Variants in RAP1GAP2 observed in about 807,000 individuals in gnomAD.
RAP1GAP2 encodes the protein RAP1 GTPase activating protein 2.
A neutral mutation model predicts 95.0 loss-of-function variants in RAP1GAP2; 27 were observed. The observed-to-expected ratio is 0.28, with a 90% CI of 0.21 to 0.39. The LOEUF is 0.39. Ranked by LOEUF, RAP1GAP2 falls within the 10% of genes least tolerant of loss-of-function variation. RAP1GAP2 has a pLI of 1.00. For missense variants in RAP1GAP2, 771 were observed against 970.0 expected (o/e 0.79, Z 2.72); for synonymous variants, 373 against 380.9 (o/e 0.98, Z 0.24).
At chr17:2,782,162 G>C (rs2068677138) in intron 1 of RAP1GAP2, among the ~76,000 whole-genome samples, 1 of 152,114 alleles carries the variant, frequency 6.6e-6, no homozygotes, top group African/African-American at 2.4e-5. Context: ...CTCTCTCCAG[G>C]CTTCCTTATC....
At chr17:2,798,615 C>T (rs373300057) in intron 1 of RAP1GAP2, among the ~76,000 whole-genome samples, 3 of 144,302 alleles carry the variant, frequency 2.1e-5, no homozygotes, top group African/African-American at 7.6e-5. Flanking sequence ...GGGTGGATAA[C>T]CTCTGGCACC....
chr17:2,799,849 G>A (rs2069206068), intron 1 of RAP1GAP2, among the ~76,000 whole-genome samples: 1 of 152,186 alleles, frequency 6.6e-6, no homozygotes, highest in Non-Finnish European at 1.5e-5. Context: ...AACCTCAGCG[G>A]CGCTGTCTCC....
intron 1 of RAP1GAP2, among the ~76,000 whole-genome samples, chr17:2,762,181 G>A (rs2071266149): frequency 6.6e-6 from 1 of 151,068 alleles, no homozygotes; most frequent in Non-Finnish European, 1.5e-5. Context: ...TAGAGACGGG[G>A]TTTCACCGTG....
At chr17:2,898,459 C>A (rs1003151737) in intron 2 of RAP1GAP2, among the ~76,000 whole-genome samples, 2 of 152,354 alleles carry the variant, frequency 1.3e-5, no homozygotes, top group South Asian at 4.1e-4. Flanking sequence ...GCCCTTTCTC[C>A]CTTCCACACT....
chr17:3,028,188 A>G (rs1449320229), intron 22 of RAP1GAP2, among the ~76,000 whole-genome samples: 1 of 152,032 alleles, frequency 6.6e-6, no homozygotes, highest in Non-Finnish European at 1.5e-5. Flanking sequence ...TTGTATGAAG[A>G]TGAAAGGAGC....
At chr17:2,837,555 G>A (rs1488249299) in intron 2 of RAP1GAP2, among the ~76,000 whole-genome samples, 1 of 151,776 alleles carries the variant, frequency 6.6e-6, no homozygotes, top group Admixed American at 6.6e-5. Context: ...TTTTGGATTT[G>A]GCGGAAGTCA....
At chr17:2,804,641 T>C (rs895154897) in intron 2 of RAP1GAP2, among the ~76,000 whole-genome samples, 2 of 152,228 alleles carry the variant, frequency 1.3e-5, no homozygotes, top group African/African-American at 4.8e-5. Flanking sequence ...CTGGGGCCCA[T>C]CCCCTTGCTG....
intron 5 of RAP1GAP2, chr17:2,962,934 G>A: frequency 1.8e-6 from 1 of 570,150 alleles, no homozygotes; most frequent in East Asian, 3.1e-5. Flanking sequence ...AGAGCAGGCT[G>A]GGGGTGGAGG....
intron 2 of RAP1GAP2, among the ~76,000 whole-genome samples, chr17:2,892,536 A>G (rs2073759241): frequency 6.6e-6 from 1 of 152,100 alleles, no homozygotes; most frequent in Non-Finnish European, 1.5e-5. Context: ...CATAGCATCT[A>G]CTGGAGCTGA....
intron 11 of RAP1GAP2, 72 bp from the exon 12 acceptor site, chr17:2,991,225 C>A: frequency 8.3e-7 from 1 of 1,198,978 alleles, no homozygotes; most frequent in Non-Finnish European, 1.2e-6. Flanking sequence ...GGTACCTGGG[C>A]ATCCATATTC....
chr17:2,832,846 CTTG>C (rs2070949710), intron 2 of RAP1GAP2, among the ~76,000 whole-genome samples: 1 of 151,160 alleles, frequency 6.6e-6, no homozygotes, highest in Non-Finnish European at 1.5e-5. Context: ...CGTGGTGGCA[CTTG>C]CGTGTAGTCC....
At chr17:2,981,373 A>G (rs990643187) in intron 10 of RAP1GAP2, 125 bp downstream of exon 10, 7 of 857,190 alleles carry the variant, frequency 8.2e-6, no homozygotes, top group African/African-American at 1.7e-5. Flanking sequence ...ATAAGCTTCC[A>G]TGTCTCCCTC....
intron 1 of RAP1GAP2, among the ~76,000 whole-genome samples, chr17:2,785,665 A>G (rs2068754334): frequency 6.6e-6 from 1 of 152,134 alleles, no homozygotes; most frequent in Admixed American, 6.6e-5. Context: ...AAGCCTTTAA[A>G]AAGGCCAAGA....
At chr17:2,808,938 A>G in intron 2 of RAP1GAP2, among the ~76,000 whole-genome samples, 1 of 152,150 alleles carries the variant, frequency 6.6e-6, no homozygotes, top group Non-Finnish European at 1.5e-5. Flanking sequence ...GTAACCATGA[A>G]CATGCCTGTT....
chr17:2,918,236 C>G (rs1379550505), intron 3 of RAP1GAP2, among the ~76,000 whole-genome samples: 2 of 151,706 alleles, frequency 1.3e-5, no homozygotes, highest in Non-Finnish European at 2.9e-5. Flanking sequence ...GAGTTCAAGA[C>G]CAGCCTGGCC....
chr17:2,836,112 C>CG (rs1221030316), intron 2 of RAP1GAP2, among the ~76,000 whole-genome samples: 1 of 152,046 alleles, frequency 6.6e-6, no homozygotes, highest in Non-Finnish European at 1.5e-5. Context: ...ATGTCGCCTT[C>CG]GGGGGGTGCT....
At chr17:2,767,543 G>A (rs2068300320) in intron 1 of RAP1GAP2, among the ~76,000 whole-genome samples, 1 of 151,620 alleles carries the variant, frequency 6.6e-6, no homozygotes, top group Non-Finnish European at 1.5e-5. Context: ...AAAGATAAGC[G>A]AGTATGAATT....
chr17:2,842,388 G>A (rs1468704043), intron 2 of RAP1GAP2, among the ~76,000 whole-genome samples: 2 of 152,024 alleles, frequency 1.3e-5, no homozygotes, highest in Non-Finnish European at 2.9e-5. Flanking sequence ...AAATTAGCCA[G>A]GCGTGGTGGC....
intron 3 of RAP1GAP2, among the ~76,000 whole-genome samples, chr17:2,927,075 A>G (rs2042980638): frequency 1.3e-5 from 2 of 150,720 alleles, no homozygotes; most frequent in South Asian, 2.1e-4. Flanking sequence ...GGGACAATCT[A>G]TCCTCTTGTC....
Sources: gnomAD v4.1 joint callset for allele counts (sites outside exome capture counted in the v4.1 genomes callset) on GRCh38, gnomAD v4.1.1 for gene constraint, MANE v1.5 for transcripts, NCBI Gene and HGNC (gene_info 2026-07-23, HGNC 2026-07-21) for gene names.